Variants in ACOT11 observed in about 807,000 individuals in gnomAD.
The protein encoded by ACOT11 is acyl-coenzyme A thioesterase 11.
In ACOT11, 69 loss-of-function variants were observed where a neutral mutation model predicts 77.5. The ratio of observed to expected loss-of-function variants is 0.89; its 90% CI spans 0.73 to 1.09. The LOEUF is 1.09. ACOT11 is among the 50% of genes least tolerant of loss of function. The probability of loss-of-function intolerance (pLI) is 0.00; values close to 1 mark genes in which losing one functional copy is unlikely to be tolerated. For synonymous variants in ACOT11, 279 were observed against 313.0 expected (o/e 0.89, Z 1.15); for missense variants, 766 against 813.7 (o/e 0.94, Z 0.71).
intron 6 of ACOT11, among the ~76,000 whole-genome samples, chr1:54,595,402 T>C (rs765578271): frequency 6.3e-4 from 96 of 152,220 alleles, no homozygotes; most frequent in African/African-American, 2.1e-3. Context: ...CATATATATA[T>C]GCTTATGTGT....
rs551028065 is a variant in ACOT11, at chr1:54,594,103, C to G, written c.471+64C>G. On this transcript the variant is annotated intron_variant, in intron 5 of 15. Coordinates refer to ENST00000343744, the MANE Select transcript of ACOT11 (RefSeq NM_147161.4). ...GACCTGGGCACCTGCCATGGCGAGT[C>G]TGGCTCAGGGGAATGAGGTTAGGGG... The G allele has an allele frequency of 2.7e-4, 396 of 1,473,772 alleles. 4 individuals are homozygous for G. The South Asian group carries it at 4.4e-3, about 16-fold the overall frequency. 91.3% of individuals were successfully genotyped at this position (1,473,772 alleles called of 1,614,324 possible). A position where few individuals can be genotyped will look rare whatever the true frequency, so the allele number is the denominator to read the frequency against.
intron 1 of ACOT11, among the ~76,000 whole-genome samples, chr1:54,567,371 C>T (rs904642644): frequency 3.3e-5 from 5 of 151,782 alleles, no homozygotes; most frequent in Non-Finnish European, 7.4e-5. Context: ...CTCTGCCTCC[C>T]AGGTTCAAGC....
At chr1:54,576,874 T>C (rs892702157) in intron 1 of ACOT11, among the ~76,000 whole-genome samples, 2 of 152,110 alleles carry the variant, frequency 1.3e-5, no homozygotes, top group Non-Finnish European at 2.9e-5. Flanking sequence ...CCTTTCAGGA[T>C]TGGAAAGAAT....
At chr1:54,616,423 G>T (rs908666292) in intron 15 of ACOT11, among the ~76,000 whole-genome samples, 3 of 151,866 alleles carry the variant, frequency 2.0e-5, no homozygotes, top group Non-Finnish European at 4.4e-5. Context: ...GAGTGCAGTG[G>T]TGTGATCTTG....
intron 8 of ACOT11, among the ~76,000 whole-genome samples, chr1:54,600,996 A>G (rs1352265781): frequency 6.6e-6 from 1 of 152,182 alleles, no homozygotes; most frequent in Non-Finnish European, 1.5e-5. Context: ...TCTGTAAACA[A>G]TGGTGGAGGG....
intron 1 of ACOT11, among the ~76,000 whole-genome samples, chr1:54,563,415 C>A (rs929072065): frequency 2.6e-5 from 4 of 152,230 alleles, no homozygotes; most frequent in African/African-American, 9.6e-5. Context: ...CCTCAGTTCC[C>A]TTTTCTGTGC....
Position 54,607,225 on chromosome 1 carries a change from T to G in ACOT11, c.1462T>G (p.Phe488Val). The G allele has an allele frequency of 6.2e-7, 1 of 1,614,178 alleles. No homozygotes were observed. The highest frequency in any genetic ancestry group is 8.5e-7 in the Non-Finnish European group (1 of 1,180,028). Residue 488 changes from phenylalanine (F) to valine (V), a missense_variant, in exon 14 of 16, where the codon TTC (phenylalanine) becomes GTC (valine). Coordinates refer to ENST00000343744, the MANE Select transcript of ACOT11 (RefSeq NM_147161.4). This position sits in a 1 kb window ranked among gnomAD's most constrained non-coding sequence, Gnocchi z 4.5. ...CGGAGGTCACACAAAGCCCCAGGAC[T>G]TCGTGATCCTGGCCTCGAGGCGGAA... ...ALGGHTKPQD[F>V]VILASRRKPC...
Position 54,610,153 on chromosome 1 carries a change from C to A in ACOT11, c.*1041C>A. ...CTCTTGTTTCAGCTCTTGGCCTTTA[C>A]CCATGACTCAGCCTGGGGGCTGGTG... On this transcript the variant is annotated 3_prime_UTR_variant, in exon 16 of 16. Coordinates refer to ENST00000343744, the MANE Select transcript of ACOT11 (RefSeq NM_147161.4). The A allele has an allele frequency of 7.0e-7, 1 of 1,433,452 alleles. No homozygotes were observed. Among genetic ancestry groups the A allele is most frequent in the Admixed American group, 2.9e-5 (1 of 34,764 alleles). The allele number at this position is 1,433,452 out of a possible 1,614,324, so 88.8% of individuals were successfully genotyped here. A position where few individuals can be genotyped will look rare whatever the true frequency, so the allele number is the denominator to read the frequency against.
chr1:54,612,506 C>T, downstream of ACOT11: 1 of 1,613,748 alleles, frequency 6.2e-7, no homozygotes, highest in Non-Finnish European at 8.5e-7. Flanking sequence ...GGCTCAGCAG[C>T]CAGCTGAAGT....
intron 8 of ACOT11, among the ~76,000 whole-genome samples, chr1:54,599,825 G>A (rs905094847): frequency 2.0e-5 from 3 of 152,222 alleles, no homozygotes; most frequent in Non-Finnish European, 4.4e-5. Context: ...AGTCCACAGA[G>A]TCTTTGCCTT....
intron 12 of ACOT11, 42 bp from the exon 13 acceptor site, chr1:54,605,034 C>G: frequency 6.3e-7 from 1 of 1,584,952 alleles, no homozygotes; most frequent in Non-Finnish European, 8.6e-7. Context: ...CATCAGTCCA[C>G]TCCACCACCC....
At chr1:54,622,751 G>A (rs1340659941) in intron 15 of ACOT11, among the ~76,000 whole-genome samples, 2,080 of 151,918 alleles carry the variant, frequency 0.014, 26 homozygotes, top group South Asian at 0.022. Context: ...AAAAAAAATA[G>A]TTAACGGGAC....
intron 7 of ACOT11, 71 bp from the exon 8 acceptor site, chr1:54,599,219 TATATAA>T (rs201512913): frequency 0.067 from 6,406 of 94,926 alleles, 488 homozygotes; most frequent in East Asian, 0.15. Context: ...TATATATATA[TATATAA>T]AAATCTGGCC....
At chr1:54,585,784 C>G in intron 2 of ACOT11, 51 bp from the exon 3 acceptor site, 1 of 1,596,668 alleles carries the variant, frequency 6.3e-7, no homozygotes, top group South Asian at 1.1e-5. Flanking sequence ...TGAGCAGAGG[C>G]CTGTGATCGG....
chr1:54,576,638 T>G (rs2100969418), intron 1 of ACOT11, among the ~76,000 whole-genome samples: 1 of 152,136 alleles, frequency 6.6e-6, no homozygotes, highest in Admixed American at 6.5e-5. Flanking sequence ...AATAAGCAGC[T>G]ATAAGAAAGT....
intron 1 of ACOT11, among the ~76,000 whole-genome samples, chr1:54,580,134 T>C (rs1318111002): frequency 1.3e-5 from 2 of 152,066 alleles, no homozygotes; most frequent in African/African-American, 2.4e-5. Flanking sequence ...CCGAGACCCA[T>C]AGAGGTGTAG....
chr1:54,558,118 C>A (rs1304322183), intron 1 of ACOT11, among the ~76,000 whole-genome samples: 1 of 152,156 alleles, frequency 6.6e-6, no homozygotes, highest in East Asian at 1.9e-4. Context: ...TCGTTCCCTC[C>A]ACGGGTACTT....
chr1:54,589,244 T>C (rs1368998715), intron 3 of ACOT11, among the ~76,000 whole-genome samples: 1 of 151,938 alleles, frequency 6.6e-6, no homozygotes, highest in Non-Finnish European at 1.5e-5. Context: ...CTTGAATTCC[T>C]GACCTCAGGT....
intron 3 of ACOT11, among the ~76,000 whole-genome samples, chr1:54,589,255 G>C (rs1384148216): frequency 6.7e-6 from 1 of 149,736 alleles, no homozygotes; most frequent in African/African-American, 2.5e-5. Flanking sequence ...GACCTCAGGT[G>C]ATCTGCTTAC....
Sources: gnomAD v4.1 joint callset for allele counts (sites outside exome capture counted in the v4.1 genomes callset) on GRCh38, gnomAD v4.1.1 for gene constraint, Gnocchi (gnomAD v3.1) non-coding constraint, MANE v1.5 for transcripts, NCBI Gene and HGNC (gene_info 2026-07-23, HGNC 2026-07-21) for gene names.